NALCN: variants seen among roughly 807,000 people sequenced by gnomAD.
The protein encoded by NALCN is sodium leak channel NALCN.
Under a neutral mutation model 225.3 loss-of-function variants are expected in NALCN, and 111 were observed. The observed-to-expected ratio is 0.49, with a 90% CI of 0.42 to 0.58. The LOEUF (loss-of-function observed/expected upper bound fraction) is 0.58, where lower values mean the gene tolerates loss of function less well. NALCN is among the 20% of genes least tolerant of loss of function. The pLI is 0.00. For synonymous variants in NALCN, 764 were observed against 769.0 expected (o/e 0.99, Z 0.11); for missense variants, 1,378 against 2,202.4 (o/e 0.63, Z 7.49).
At position 101,341,936 on chromosome 13, in the gene NALCN, G is replaced by T. The variant is rs114698607; in HGVS notation, c.799+3330C>A. On this transcript the variant is annotated intron_variant, in intron 7 of 43. Transcript: ENST00000251127. ...AGAGAACCCTTACTGCTTCTACTAC[G>T]TGAGGACACAGTGAAAAGGTGCCAT... Among the ~76,000 whole-genome samples the T allele has an allele frequency of 7.4e-3, 1,120 of 152,270 alleles. 15 individuals carry two copies. Among genetic ancestry groups the T allele is most frequent in the African/African-American group, 0.026 (1,077 of 41,554 alleles).
At position 101,089,683 on chromosome 13, in the gene NALCN, C is replaced by T. The variant is rs1353962196; in HGVS notation, c.3469G>A (p.Ala1157Thr). Residue 1157 changes from alanine (A) to threonine (T), a missense_variant, in exon 30 of 44, where the codon GCT (alanine) becomes ACT (threonine). Around this residue, in one of 19 missense-constraint regions of NALCN, gnomAD observed 10 missense variants for 61.6 expected, o/e 0.16. Transcript: ENST00000251127. This position sits in a 1 kb window ranked among gnomAD's most constrained non-coding sequence, Gnocchi z 4.7. ...GLTLFVGVVI[A>T]NFNENKGTAL... is the part of the protein sequence containing the mutation. ...CTTACCTTGTTTTCATTGAAATTAGCAATAACTACTCCAACAAAAAGGGTC... is the reference window on the plus strand; with the variant it reads ...CTTACCTTGTTTTCATTGAAATTAGTAATAACTACTCCAACAAAAAGGGTC... 2 of 1,613,910 alleles carry T rather than the reference C, an allele frequency of 1.2e-6. No individual in the cohort carries two copies. The highest frequency in any genetic ancestry group is 1.7e-5 in the Admixed American group (1 of 60,014).
At chr13:101,148,706 A>G (rs972520210) in intron 15 of NALCN, among the ~76,000 whole-genome samples, 1 of 152,236 alleles carries the variant, frequency 6.6e-6, no homozygotes, top group Non-Finnish European at 1.5e-5. Flanking sequence ...ACACAAGGTG[A>G]GCTGAGCAAA....
In NALCN at chr13:101,092,362, C is replaced by T. The variant is rs113741285; in HGVS notation, c.3270-2396G>A. Among the ~76,000 whole-genome samples the T allele has an allele frequency of 9.0e-4, 137 of 152,298 alleles. 1 individual carries two copies. Among genetic ancestry groups the T allele is most frequent in the Middle Eastern group, 6.8e-3 (2 of 294 alleles). On this transcript the variant is annotated intron_variant, in intron 28 of 43. Transcript: ENST00000251127. ...TGCAGAAAAAGACTTTGTCCAAAAACGGCATGCTGTATCTTACACAACCAT... is the reference window on the plus strand; with the variant it reads ...TGCAGAAAAAGACTTTGTCCAAAAATGGCATGCTGTATCTTACACAACCAT...
At chr13:101,158,515 T>C (rs1217570313) in intron 15 of NALCN, among the ~76,000 whole-genome samples, 2 of 152,226 alleles carry the variant, frequency 1.3e-5, no homozygotes, top group African/African-American at 4.8e-5. Flanking sequence ...ATATTCTTCT[T>C]GACAGTCCTT....
At chr13:101,369,916 A>T (rs1472670081) in intron 6 of NALCN, among the ~76,000 whole-genome samples, 1 of 152,190 alleles carries the variant, frequency 6.6e-6, no homozygotes, top group Non-Finnish European at 1.5e-5. Flanking sequence ...GAACTAATTC[A>T]CTGCTTCTTT....
At chr13:101,074,421 AGACTTT>A in intron 36 of NALCN, 87 bp downstream of exon 36, 1 of 1,211,696 alleles carries the variant, frequency 8.3e-7, no homozygotes, top group Non-Finnish European at 1.1e-6. Context: ...CCCCTCTCCT[AGACTTT>A]AATAGACAAA....
intron 15 of NALCN, among the ~76,000 whole-genome samples, chr13:101,173,599 T>C (rs1054458776): frequency 6.6e-5 from 10 of 152,176 alleles, no homozygotes; most frequent in Admixed American, 1.3e-4. Flanking sequence ...AATGTCACCA[T>C]AGCTATGAGA....
chr13:101,140,630 A>C (rs895106073), intron 17 of NALCN, among the ~76,000 whole-genome samples: 1 of 152,256 alleles, frequency 6.6e-6, no homozygotes, highest in African/African-American at 2.4e-5. Flanking sequence ...CTGCAATTTC[A>C]GACTGACTGG....
At chr13:101,083,584 T>C in intron 31 of NALCN, 127 bp downstream of exon 31, 2 of 855,350 alleles carry the variant, frequency 2.3e-6, no homozygotes, top group South Asian at 3.7e-5. Flanking sequence ...TTGGAGCCTG[T>C]TTCTGTATTA....
intron 18 of NALCN, among the ~76,000 whole-genome samples, chr13:101,114,523 G>A (rs568625295): frequency 2.6e-5 from 4 of 151,976 alleles, no homozygotes; most frequent in Admixed American, 6.6e-5. Context: ...GGTGCTCTAC[G>A]GAGAGTTCCA....
intron 15 of NALCN, among the ~76,000 whole-genome samples, chr13:101,163,524 C>T (rs1207359859): frequency 6.6e-6 from 1 of 152,090 alleles, no homozygotes; most frequent in East Asian, 1.9e-4. Flanking sequence ...AGTCTCAAGT[C>T]TATAAAATTT....
intron 10 of NALCN, among the ~76,000 whole-genome samples, chr13:101,278,574 G>A (rs1022207715): frequency 5.4e-5 from 8 of 149,106 alleles, no homozygotes; most frequent in African/African-American, 2.0e-4. Flanking sequence ...TTTCAATGAT[G>A]CTATTCCTAA....
chr13:101,069,630 C>T (rs1341775034), intron 37 of NALCN, among the ~76,000 whole-genome samples: 3 of 152,182 alleles, frequency 2.0e-5, no homozygotes, highest in African/African-American at 7.2e-5. Flanking sequence ...GATTTTTCTG[C>T]AGCATGTGAT....
Position 101,229,409 on chromosome 13 carries a change from A to T in NALCN, c.1610T>A (p.Phe537Tyr). Residue 537 changes from phenylalanine (F) to tyrosine (Y), a missense_variant, in exon 13 of 44, where the codon TTT (phenylalanine) becomes TAT (tyrosine). By Grantham distance (22) the Phe-to-Tyr change is conservative. Around this residue, in one of 19 missense-constraint regions of NALCN, gnomAD observed 18 missense variants for 18.0 expected, o/e 1.00. Coordinates refer to ENST00000251127, the MANE Select transcript of NALCN (RefSeq NM_052867.4). ...AACTCTTACCCTCGGAAACGTAGTA[A>T]ATCTGTCCAGTTCTTCGACAAAGCA... ...MFCFVEELDR[F>Y]TTFPRAFMSM... The T allele has an allele frequency of 6.3e-7, 1 of 1,590,390 alleles. No individual in the cohort carries two copies. The highest frequency in any genetic ancestry group is 8.5e-7 in the Non-Finnish European group (1 of 1,169,670).
chr13:101,345,529 G>T, intron 6 of NALCN, 109 bp from the exon 7 acceptor site: 1 of 1,324,228 alleles, frequency 7.6e-7, no homozygotes, highest in Non-Finnish European at 1.0e-6. Context: ...GCCAAGTGAG[G>T]TTGCTCATGC....
At chr13:101,382,947 G>T (rs1056499699) in intron 3 of NALCN, among the ~76,000 whole-genome samples, 2 of 151,984 alleles carry the variant, frequency 1.3e-5, no homozygotes, top group African/African-American at 4.8e-5. Flanking sequence ...TAATCCTCTG[G>T]GCATAAGTTT....
intron 17 of NALCN, among the ~76,000 whole-genome samples, chr13:101,130,971 G>T (rs2036489897): frequency 6.6e-6 from 1 of 151,858 alleles, no homozygotes; most frequent in Non-Finnish European, 1.5e-5. Context: ...TCGGATTTTT[G>T]ACTTTCTTCA....
intron 7 of NALCN, among the ~76,000 whole-genome samples, chr13:101,322,773 C>A (rs1455724977): frequency 6.6e-6 from 1 of 152,054 alleles, no homozygotes; most frequent in Non-Finnish European, 1.5e-5. Flanking sequence ...AATTTAGTGG[C>A]ATGATCTCGG....
chr13:101,076,911 C>G (rs1038415648), intron 34 of NALCN, among the ~76,000 whole-genome samples: 3 of 152,182 alleles, frequency 2.0e-5, no homozygotes, highest in Non-Finnish European at 4.4e-5. Flanking sequence ...TATGGTTTGG[C>G]TATGTTCCCA....
Sources: allele counts gnomAD v4.1 joint callset (sites outside exome capture counted in the v4.1 genomes callset), GRCh38; gene constraint gnomAD v4.1.1; regional missense constraint gnomAD v4.1.1; non-coding constraint Gnocchi (gnomAD v3.1); transcripts MANE v1.5; gene names NCBI Gene and HGNC (gene_info 2026-07-23, HGNC 2026-07-21).